Variants in TANGO6 observed in about 807,000 individuals in gnomAD.
TANGO6 encodes transport and Golgi organization protein 6 homolog.
Under a neutral mutation model 114.2 loss-of-function variants are expected in TANGO6, and 90 were observed. That is an observed-to-expected ratio of 0.79 (90% confidence interval 0.66 to 0.94). The LOEUF (loss-of-function observed/expected upper bound fraction) is 0.94, where lower values mean the gene tolerates loss of function less well. Among genes scored for constraint, TANGO6 ranks in the 40% least tolerant of loss-of-function variants. TANGO6 has a pLI of 0.00. For synonymous variants in TANGO6, 477 were observed against 509.8 expected, an observed-to-expected ratio of 0.94 and a Z score of 0.87; for missense variants, 1,274 against 1,315.3, an observed-to-expected ratio of 0.97 and a Z score of 0.49.
chr16:69,029,198 C>T (rs977841491), intron 16 of TANGO6, among the ~76,000 whole-genome samples: 24 of 152,208 alleles, frequency 1.6e-4, no homozygotes, highest in Admixed American at 1.5e-3. Flanking sequence ...GAAGCATCAT[C>T]TGTCAGGAGA....
intron 17 of TANGO6, among the ~76,000 whole-genome samples, chr16:69,072,759 A>C (rs1776599637): frequency 6.6e-6 from 1 of 152,182 alleles, no homozygotes; most frequent in Non-Finnish European, 1.5e-5. Context: ...AGCACCCCTC[A>C]AGTGTGGAGT....
At chr16:69,050,971 A>T (rs1405651294) in intron 17 of TANGO6, among the ~76,000 whole-genome samples, 1 of 151,856 alleles carries the variant, frequency 6.6e-6, no homozygotes, top group African/African-American at 2.4e-5. Flanking sequence ...TTCTTTGCCC[A>T]TTTTTTAATT....
intron 15 of TANGO6, among the ~76,000 whole-genome samples, chr16:68,983,235 C>T (rs1963857257): frequency 6.6e-6 from 1 of 152,158 alleles, no homozygotes; most frequent in Non-Finnish European, 1.5e-5. Context: ...TTTATGTCCA[C>T]CTCTGCCCAT....
At chr16:69,017,269 G>A (rs1403724733) in intron 15 of TANGO6, among the ~76,000 whole-genome samples, 1 of 152,186 alleles carries the variant, frequency 6.6e-6, no homozygotes, top group Non-Finnish European at 1.5e-5. Context: ...GTTTTGCCAT[G>A]AGGGTAAGGA....
chr16:68,849,439 C>T (rs1351683186), intron 1 of TANGO6, among the ~76,000 whole-genome samples: 1 of 152,056 alleles, frequency 6.6e-6, no homozygotes, highest in African/African-American at 2.4e-5. Context: ...GAGTTCAAGA[C>T]TACCCTGGGC....
intron 8 of TANGO6, among the ~76,000 whole-genome samples, chr16:68,901,846 T>C (rs889170577): frequency 4.6e-5 from 7 of 152,272 alleles, no homozygotes; most frequent in African/African-American, 1.7e-4. Context: ...CATCAGAGAC[T>C]GACAAGGAAC....
Position 69,083,872 on chromosome 16 carries a change from TAAGAG to T in TANGO6, c.*216_*220del, listed in dbSNP as rs1247695451. On this transcript the variant is annotated 3_prime_UTR_variant, in exon 18 of 18. Coordinates refer to ENST00000261778, the MANE Select transcript of TANGO6 (RefSeq NM_024562.2). ...GCGTTCAGCCTGAGGGGTGTACAGT[TAAGAG>T]AAGACAGTTACAGATCTCATTAATC... is the stretch of plus-strand genomic sequence containing the variant. 3.9e-6 allele frequency: 2 copies of T among 514,908 alleles called. No individual in the cohort carries two copies. The highest frequency in any genetic ancestry group is 1.9e-5 in the African/African-American group (1 of 52,260). The allele number at this position is 514,908 out of a possible 1,614,324, so 31.9% of individuals were successfully genotyped here.
At chr16:68,904,231 C>G (rs763114182) in intron 9 of TANGO6, among the ~76,000 whole-genome samples, 2 of 152,122 alleles carry the variant, frequency 1.3e-5, no homozygotes, top group Non-Finnish European at 1.5e-5. Flanking sequence ...CTCAGCCTGC[C>G]AAGTAGCTGG....
At chr16:69,058,111 A>G (rs1960060858) in intron 17 of TANGO6, among the ~76,000 whole-genome samples, 1 of 152,154 alleles carries the variant, frequency 6.6e-6, no homozygotes. Flanking sequence ...AGATGGGCCT[A>G]CAGGTTGCAA....
In TANGO6 at chr16:68,909,287, T is replaced by C; in HGVS notation, c.1877T>C (p.Leu626Ser). Residue 626 changes from leucine (L) to serine (S), a missense_variant, in exon 11 of 18, where the codon TTA becomes TCA. This residue lies in a region of TANGO6 where 908 missense variants were observed against 910.2 expected (regional missense o/e 1.00). Coordinates refer to ENST00000261778, the MANE Select transcript of TANGO6 (RefSeq NM_024562.2). ...EPFSSKSLLE[L>S]EQHQTLLVEG... is the part of the protein sequence containing the mutation. ...TTCTCCAGCAAGAGCCTCTTGGAAT[T>C]AGAGCAACATCAGACTCTTCTTGTG... 1.2e-6 allele frequency: 2 copies of C among 1,611,316 alleles called. No individual in the cohort carries two copies. The highest frequency in any genetic ancestry group is 1.7e-6 in the Non-Finnish European group (2 of 1,178,574).
Position 69,083,656 on chromosome 16 carries a change from C to A in TANGO6, c.3280C>A (p.Pro1094Thr). ...GCTGGAGAAGAAGATCATGGTCCTG[C>A]CGTAGACCTGGCTCCAAGGACGTGG... ...QKLEKKIMVL[P>T] is the part of the protein sequence containing the mutation. Residue 1094 changes from proline to threonine, a missense_variant, in exon 18 of 18, where the codon CCG (proline) becomes ACG (threonine). Coordinates refer to ENST00000261778, the MANE Select transcript of TANGO6 (RefSeq NM_024562.2). The A allele has an allele frequency of 6.4e-7, 1 of 1,557,488 alleles. No individual in the cohort carries two copies. Among genetic ancestry groups the A allele is most frequent in the Non-Finnish European group, 8.7e-7 (1 of 1,150,212 alleles).
chr16:69,062,691 T>C (rs1960139659), intron 17 of TANGO6, among the ~76,000 whole-genome samples: 1 of 149,240 alleles, frequency 6.7e-6, no homozygotes, highest in Non-Finnish European at 1.5e-5. Context: ...GAGGCTGGTC[T>C]GGAACCACTG....
chr16:68,851,449 C>T (rs1471793224), intron 1 of TANGO6, among the ~76,000 whole-genome samples: 2 of 152,208 alleles, frequency 1.3e-5, no homozygotes, highest in Non-Finnish European at 1.5e-5. Context: ...TGAGCCACCA[C>T]GCCCGGCCTG....
At chr16:68,944,637 G>A (rs1273026408) in intron 14 of TANGO6, among the ~76,000 whole-genome samples, 2 of 152,146 alleles carry the variant, frequency 1.3e-5, no homozygotes, top group South Asian at 2.1e-4. Flanking sequence ...TAGCTGACTC[G>A]TGGGAGAGAG....
intron 15 of TANGO6, among the ~76,000 whole-genome samples, chr16:69,009,930 T>C (rs1175855507): frequency 2.6e-5 from 4 of 152,202 alleles, no homozygotes; most frequent in African/African-American, 7.2e-5. Flanking sequence ...TTCATGCATG[T>C]ACTAAGAGCG....
intron 6 of TANGO6, among the ~76,000 whole-genome samples, chr16:68,880,331 C>G (rs1267869937): frequency 2.0e-5 from 3 of 151,750 alleles, no homozygotes; most frequent in African/African-American, 7.2e-5. Context: ...GGTGTTTTTT[C>G]TTAGTGATAC....
chr16:68,907,302 A>G lies in TANGO6; in HGVS notation c.1668-141A>G, dbSNP rs571807783. 2.7e-5 allele frequency: 27 copies of G among 1,001,176 alleles called. No homozygotes were observed. The East Asian group carries it at 5.7e-4, about 21-fold the overall frequency. 62.0% of individuals were successfully genotyped at this position (1,001,176 alleles called of 1,614,324 possible). A position where few individuals can be genotyped will look rare whatever the true frequency, so the allele number is the denominator to read the frequency against. ...TTTTTTCAGAATGGAGAAACAATAA[A>G]ATAAGTTAAATAAATTTGGGGGATC... On this transcript the variant is annotated intron_variant, in intron 9 of 17. Transcript: ENST00000261778.
intron 17 of TANGO6, among the ~76,000 whole-genome samples, chr16:69,072,667 T>A (rs952234878): frequency 1.3e-5 from 2 of 152,104 alleles, no homozygotes; most frequent in African/African-American, 4.8e-5. Flanking sequence ...GTTGCTAAGA[T>A]AGACCCATTA....
At chr16:69,040,762 C>G (rs1437307146) in intron 17 of TANGO6, among the ~76,000 whole-genome samples, 1 of 152,094 alleles carries the variant, frequency 6.6e-6, no homozygotes, top group Non-Finnish European at 1.5e-5. Flanking sequence ...AGTGACTTGC[C>G]TTTCTGACTC....
Sources: gnomAD v4.1 joint callset for allele counts (sites outside exome capture counted in the v4.1 genomes callset) on GRCh38, gnomAD v4.1.1 for gene constraint, gnomAD v4.1.1 regional missense constraint, MANE v1.5 for transcripts, NCBI Gene and HGNC (gene_info 2026-07-23, HGNC 2026-07-21) for gene names.